GLT1D1: variants seen among roughly 807,000 people sequenced by gnomAD.
GLT1D1 encodes glycosyltransferase 1 domain-containing protein 1.
A neutral mutation model predicts 28.7 loss-of-function variants in GLT1D1; 21 were observed. The observed-to-expected ratio is 0.73, with a 90% CI of 0.52 to 1.05. The LOEUF (loss-of-function observed/expected upper bound fraction) is 1.05. GLT1D1 is among the 50% of genes least tolerant of loss of function. GLT1D1 has a pLI of 0.00. For synonymous variants in GLT1D1, 147 were observed against 124.8 expected (o/e 1.18, Z -1.19); for missense variants, 343 against 330.6 (o/e 1.04, Z -0.29).
chr12:128,864,862 G>A (rs1956476714), intron 1 of GLT1D1, among the ~76,000 whole-genome samples: 1 of 152,100 alleles, frequency 6.6e-6, no homozygotes, highest in Admixed American at 6.6e-5. Context: ...AGAGGGGTGG[G>A]CATGGTGGGG....
Position 128,874,124 on chromosome 12 carries a change from CTCTTTCTTTCTTTCTTTCTTTCTTTCTT to C in GLT1D1, c.69-1764_69-1737del, listed in dbSNP as rs756979442. Among the ~76,000 whole-genome samples the C allele has an allele frequency of 1.5e-4, 6 of 39,284 alleles. No homozygotes were observed. In the East Asian group the frequency reaches 3.1e-3, roughly 20 times the overall value. 25.8% of individuals were successfully genotyped at this position (39,284 alleles called of 152,430 possible). A position where few individuals can be genotyped will look rare whatever the true frequency, so the allele number is the denominator to read the frequency against. ...TCTCTCTCTCTCTCTCTCTCTCTCT[CTCTTTCTTTCTTTCTTTCTTTCTTTCTT>C]TCTTTCTTTCTTTCTTTCTTTCTTT... On this transcript the variant is annotated intron_variant, in intron 1 of 7. Transcript: ENST00000281703.
chr12:128,966,210 G>A (rs566482268), intron 7 of GLT1D1, among the ~76,000 whole-genome samples: 1 of 152,360 alleles, frequency 6.6e-6, no homozygotes, highest in Non-Finnish European at 1.5e-5. Context: ...ACAGCAGAAT[G>A]CTCCTGGGAG....
At chr12:128,945,834 C>T (rs746903732) in intron 5 of GLT1D1, among the ~76,000 whole-genome samples, 27 of 152,182 alleles carry the variant, frequency 1.8e-4, no homozygotes, top group Non-Finnish European at 3.5e-4. Flanking sequence ...GGATTTGGCT[C>T]CTGTCTCTGT....
chr12:128,931,014 T>A lies in GLT1D1; in HGVS notation c.376-14312T>A, dbSNP rs1046765336. Among the ~76,000 whole-genome samples the A allele has an allele frequency of 5.5e-3, 805 of 147,414 alleles. 3 individuals carry two copies. Among genetic ancestry groups the A allele is most frequent in the African/African-American group, 0.018 (741 of 40,642 alleles). On this transcript the variant is annotated intron_variant, in intron 4 of 7. Coordinates refer to ENST00000281703, the MANE Select transcript of GLT1D1 (RefSeq NM_144669.3). ...TCTACCACCCTTTTTTTTTTTTTTT[T>A]AAAATGAGACGGAGTCTTGCTCTGC...
intron 7 of GLT1D1, among the ~76,000 whole-genome samples, chr12:128,961,105 C>T (rs1877898149): frequency 6.6e-6 from 1 of 152,174 alleles, no homozygotes; most frequent in East Asian, 1.9e-4. Flanking sequence ...CTATTCTTTT[C>T]ATTTTGTGAA....
intron 1 of GLT1D1, among the ~76,000 whole-genome samples, chr12:128,860,494 G>T (rs1337502665): frequency 6.6e-6 from 1 of 152,182 alleles, no homozygotes; most frequent in South Asian, 2.1e-4. Flanking sequence ...TAAGATATGT[G>T]GTTCACTGGG....
chr12:128,935,244 A>G lies in GLT1D1; in HGVS notation c.376-10082A>G, dbSNP rs192964617. On this transcript the variant is annotated intron_variant, in intron 4 of 7. Coordinates refer to ENST00000281703, the MANE Select transcript of GLT1D1 (RefSeq NM_144669.3). ...TAATTTGCATTTTCTACTCTACCAG[A>G]GCTTTATGAAATAGTAGAGTAGCCG... is the stretch of plus-strand genomic sequence containing the variant. Among the ~76,000 whole-genome samples the G allele has an allele frequency of 3.9e-4, 60 of 152,220 alleles. No individual in the cohort carries two copies. The East Asian group carries it at 7.7e-3, about 20-fold the overall frequency.
At chr12:128,939,837 A>ACCGCCCCCCCCCCCCCC (rs1555271943) in intron 4 of GLT1D1, among the ~76,000 whole-genome samples, 1 of 97,600 alleles carries the variant, frequency 1.0e-5, no homozygotes, top group African/African-American at 4.7e-5. Context: ...ATTGTTAGAA[A>ACCGCCCCCCCCCCCCCC]CCCCCCCCCA....
intron 7 of GLT1D1, among the ~76,000 whole-genome samples, chr12:128,980,850 CA>C (rs1880247020): frequency 6.6e-6 from 1 of 152,238 alleles, no homozygotes; most frequent in African/African-American, 2.4e-5. Context: ...AGACCACACC[CA>C]CTCAACGGGG....
At chr12:128,975,608 G>A (rs1055390416) in intron 7 of GLT1D1, among the ~76,000 whole-genome samples, 6 of 152,032 alleles carry the variant, frequency 3.9e-5, no homozygotes, top group East Asian at 1.9e-4. Context: ...GTGCCACCAC[G>A]CCAGGCTGAT....
intron 4 of GLT1D1, among the ~76,000 whole-genome samples, chr12:128,943,204 G>A (rs73153453): frequency 0.03 from 4,583 of 152,300 alleles, 106 homozygotes; most frequent in Non-Finnish European, 0.045. Flanking sequence ...AACCTATTGT[G>A]TAAAGTCTTT....
At chr12:128,923,872 C>T (rs890191719) in intron 4 of GLT1D1, among the ~76,000 whole-genome samples, 5 of 152,014 alleles carry the variant, frequency 3.3e-5, no homozygotes, top group African/African-American at 9.7e-5. Context: ...GACTGTGAAG[C>T]AAATGTGTCT....
intron 4 of GLT1D1, among the ~76,000 whole-genome samples, chr12:128,916,042 C>T (rs887793111): frequency 7.2e-5 from 11 of 152,112 alleles, no homozygotes; most frequent in Admixed American, 1.3e-4. Context: ...TCTTTATAGG[C>T]GATTCCTAGT....
chr12:128,912,517 A>T, intron 4 of GLT1D1, 57 bp downstream of exon 5: 1 of 817,208 alleles, frequency 1.2e-6, no homozygotes, highest in Non-Finnish European at 1.9e-6. Context: ...TGAATATATC[A>T]AAATAGATGC....
rs200811517 is a variant in GLT1D1, at chr12:128,879,378, T to TTC, written c.217+3317_217+3318insCT. On this transcript the variant is annotated intron_variant, in intron 2 of 7. Coordinates refer to ENST00000281703, the MANE Select transcript of GLT1D1 (RefSeq NM_144669.3). ...AAAGTGATACTTATTATTTTTTTCT[T>TTC]TTTCTTTCTTTCTTTCTTTCTTTCT... is the stretch of plus-strand genomic sequence containing the variant. Among the ~76,000 whole-genome samples the TTC allele has an allele frequency of 3.3e-3, 233 of 69,978 alleles. 9 individuals are homozygous for TTC. Among genetic ancestry groups the TTC allele is most frequent in the African/African-American group, 0.012 (223 of 18,628 alleles). 45.9% of individuals were successfully genotyped at this position (69,978 alleles called of 152,430 possible).
rs373829755 is a variant in GLT1D1 at position 128,895,066 on chromosome 12, T to C, written c.324-4170T>C. 1.2e-4 allele frequency among the ~76,000 whole-genome samples: 19 copies of C among 152,248 alleles called. No homozygotes were observed. The East Asian group carries it at 2.9e-3, about 23-fold the overall frequency. On this transcript the variant is annotated intron_variant, in intron 3 of 7. Transcript: ENST00000281703. ...ATTCATCGTTTTCTGAGCACTTTTC[T>C]ACTTTCTGGCATCGTAAAATGTCCC...
At chr12:128,935,204 C>T (rs1874414355) in intron 4 of GLT1D1, among the ~76,000 whole-genome samples, 1 of 152,130 alleles carries the variant, frequency 6.6e-6, no homozygotes, top group Non-Finnish European at 1.5e-5. Flanking sequence ...CTTTGAATAT[C>T]ATCTCTCTGC....
rs1441361032 is a variant in GLT1D1 at position 128,908,398 on chromosome 12, CTCTCTCTT to C, written c.375+9115_375+9122del. On this transcript the variant is annotated intron_variant, in intron 4 of 7. Transcript: ENST00000281703. ...CTTTTCTTTCTCTTTCTTTCTCTCT[CTCTCTCTT>C]TCTTTCTTTCTTTTTCTTTCCTTTC... Among the ~76,000 whole-genome samples the C allele has an allele frequency of 7.0e-4, 99 of 141,046 alleles. No homozygotes were observed. The Middle Eastern group carries it at 0.011, about 15-fold the overall frequency. The allele number at this position is 141,046 out of a possible 152,430, so 92.5% of individuals were successfully genotyped here.
chr12:128,978,533 T>C (rs993013151), intron 7 of GLT1D1, among the ~76,000 whole-genome samples: 2 of 152,164 alleles, frequency 1.3e-5, no homozygotes, highest in African/African-American at 2.4e-5. Flanking sequence ...TCGTTCCTAG[T>C]GTTCTCTTCT....
Sources: gnomAD v4.1 joint callset for allele counts (sites outside exome capture counted in the v4.1 genomes callset) on GRCh38, gnomAD v4.1.1 for gene constraint, MANE v1.5 for transcripts, NCBI Gene and HGNC (gene_info 2026-07-23, HGNC 2026-07-21) for gene names.